The following NRXN3 variants were observed in gnomAD, a reference collection of about 807,000 sequenced individuals.
The protein encoded by NRXN3 is neurexin III.
A neutral mutation model predicts 137.6 loss-of-function variants in NRXN3; 32 were observed. That is an observed-to-expected ratio of 0.23 (90% CI 0.18 to 0.31). The LOEUF (loss-of-function observed/expected upper bound fraction) is 0.31. NRXN3 is among the 10% of genes least tolerant of loss of function. NRXN3 has a pLI of 1.00. For missense variants in NRXN3, 1,574 were observed against 2,062.5 expected (o/e 0.76, Z 4.59); for synonymous variants, 798 against 784.5 (o/e 1.02, Z -0.29).
intron 15 of NRXN3, among the ~76,000 whole-genome samples, chr14:79,017,663 A>G (rs1015289959): frequency 3.9e-5 from 6 of 152,142 alleles, no homozygotes; most frequent in African/African-American, 1.4e-4. Context: ...TCTATGCTAT[A>G]TATATAATGA....
At chr14:79,065,853 T>A (rs1473534837) in intron 15 of NRXN3, among the ~76,000 whole-genome samples, 1 of 152,132 alleles carries the variant, frequency 6.6e-6, no homozygotes, top group Non-Finnish European at 1.5e-5. Flanking sequence ...ATGTTCAGAT[T>A]TGTTACCTAG....
At chr14:78,928,555 G>GT (rs1226699443) in intron 10 of NRXN3, among the ~76,000 whole-genome samples, 4 of 151,998 alleles carry the variant, frequency 2.6e-5, no homozygotes, top group East Asian at 1.9e-4. Context: ...GCGGTGTTTG[G>GT]TTTTTTGTCC....
At chr14:79,442,225 A>C (rs2095976370) in intron 15 of NRXN3, among the ~76,000 whole-genome samples, 1 of 152,214 alleles carries the variant, frequency 6.6e-6, no homozygotes, top group Non-Finnish European at 1.5e-5. Context: ...TTGTTTGCTT[A>C]GATTATTCTG....
At chr14:79,822,393 T>C (rs762727316) in intron 20 of NRXN3, among the ~76,000 whole-genome samples, 1 of 152,220 alleles carries the variant, frequency 6.6e-6, no homozygotes, top group Non-Finnish European at 1.5e-5. Context: ...ATCATGTTTT[T>C]TTGGATGGCT....
chr14:78,750,727 T>A (rs2098637176), intron 8 of NRXN3, among the ~76,000 whole-genome samples: 1 of 152,092 alleles, frequency 6.6e-6, no homozygotes, highest in Non-Finnish European at 1.5e-5. Flanking sequence ...TAAGGATGTT[T>A]GTGTAGGCAA....
At chr14:79,730,715 T>C (rs1004672617) in intron 19 of NRXN3, among the ~76,000 whole-genome samples, 1 of 152,198 alleles carries the variant, frequency 6.6e-6, no homozygotes, top group Non-Finnish European at 1.5e-5. Context: ...GAACGAGTTA[T>C]TTATATAGTT....
At chr14:78,985,590 G>C (rs1441986757) in intron 14 of NRXN3, among the ~76,000 whole-genome samples, 3 of 152,264 alleles carry the variant, frequency 2.0e-5, no homozygotes, top group Admixed American at 6.5e-5. Context: ...TATGGAAAAG[G>C]CTTCGTCTTT....
chr14:78,710,797 A>G (rs1032203379), intron 7 of NRXN3, among the ~76,000 whole-genome samples: 1 of 152,180 alleles, frequency 6.6e-6, no homozygotes, highest in African/African-American at 2.4e-5. Flanking sequence ...GAAGAGCTGG[A>G]TGGGTTCTTT....
At chr14:78,792,404 T>G (rs2098808553) in intron 8 of NRXN3, among the ~76,000 whole-genome samples, 1 of 151,418 alleles carries the variant, frequency 6.6e-6, no homozygotes, top group Admixed American at 6.6e-5. Flanking sequence ...GATATCGCAG[T>G]TAATGCTGAT....
At chr14:79,028,908 C>A (rs1219333114) in intron 15 of NRXN3, among the ~76,000 whole-genome samples, 1 of 152,116 alleles carries the variant, frequency 6.6e-6, no homozygotes, top group Admixed American at 6.6e-5. Flanking sequence ...ACTCTTGTTC[C>A]AGACCAAGTG....
chr14:78,462,470 A>G (rs2094950540), intron 4 of NRXN3, among the ~76,000 whole-genome samples: 1 of 152,182 alleles, frequency 6.6e-6, no homozygotes, highest in Non-Finnish European at 1.5e-5. Context: ...TAATTGTACT[A>G]TGAACTGACA....
At chr14:78,399,055 C>T (rs2091795034) in intron 4 of NRXN3, among the ~76,000 whole-genome samples, 1 of 152,200 alleles carries the variant, frequency 6.6e-6, no homozygotes, top group Admixed American at 6.5e-5. Context: ...GGTTCTTTGA[C>T]TAGAGATAGC....
intron 4 of NRXN3, among the ~76,000 whole-genome samples, chr14:78,610,168 TGGAC>T (rs2097288626): frequency 1.3e-5 from 2 of 152,170 alleles, no homozygotes; most frequent in Admixed American, 6.5e-5. Flanking sequence ...AAAATGATGT[TGGAC>T]TAAGTCCAGC....
intron 10 of NRXN3, among the ~76,000 whole-genome samples, chr14:78,815,641 T>G (rs528460944): frequency 6.6e-6 from 1 of 152,110 alleles, no homozygotes; most frequent in Non-Finnish European, 1.5e-5. Context: ...ACTGGACTTA[T>G]GGTTTTCTTC....
chr14:78,410,923 C>G (rs971188635), intron 4 of NRXN3, among the ~76,000 whole-genome samples: 1 of 152,140 alleles, frequency 6.6e-6, no homozygotes, highest in Non-Finnish European at 1.5e-5. Flanking sequence ...CTTCCCTTGG[C>G]CCTGAGATAG....
chr14:78,243,850 G>A lies in NRXN3; in HGVS notation c.709+48G>A, dbSNP rs2153453746. The A allele has an allele frequency of 2.1e-6, 3 of 1,418,184 alleles. No individual in the cohort carries two copies. Among genetic ancestry groups the A allele is most frequent in the Non-Finnish European group, 2.9e-6 (3 of 1,050,422 alleles). 87.9% of individuals were successfully genotyped at this position (1,418,184 alleles called of 1,614,324 possible). Reference sequence around the variant, plus strand: ...CTAGAGACCCACCCACGGGATGGCTGAGGCTGGGGCTCCTGATACAAACCA... The same window carrying A: ...CTAGAGACCCACCCACGGGATGGCTAAGGCTGGGGCTCCTGATACAAACCA... On this transcript the variant is annotated intron_variant, in intron 2 of 20. Transcript: ENST00000335750. This position sits in a 1 kb window ranked among gnomAD's most constrained non-coding sequence, Gnocchi z 4.2.
intron 10 of NRXN3, among the ~76,000 whole-genome samples, chr14:78,884,342 G>T (rs2099137236): frequency 1.3e-5 from 2 of 152,140 alleles, no homozygotes; most frequent in Non-Finnish European, 2.9e-5. Flanking sequence ...AAACAGCAGT[G>T]TCGGTGGATA....
intron 4 of NRXN3, among the ~76,000 whole-genome samples, chr14:78,331,183 C>T (rs2080777907): frequency 6.6e-6 from 1 of 152,114 alleles, no homozygotes; most frequent in African/African-American, 2.4e-5. Flanking sequence ...AGAGCTGATA[C>T]TCTAGGCTTG....
At chr14:79,279,721 C>A in intron 15 of NRXN3, 1 of 986,974 alleles carries the variant, frequency 1.0e-6, no homozygotes, top group East Asian at 1.1e-4. Context: ...TCCGCGGAGA[C>A]TCCCAGGAAC....
Sources: allele counts gnomAD v4.1 joint callset (sites outside exome capture counted in the v4.1 genomes callset), GRCh38; gene constraint gnomAD v4.1.1; non-coding constraint Gnocchi (gnomAD v3.1); transcripts MANE v1.5; gene names NCBI Gene and HGNC (gene_info 2026-07-23, HGNC 2026-07-21).